GSR: variants seen among roughly 807,000 people sequenced by gnomAD.
GSR encodes glutathione reductase, mitochondrial.
Under a neutral mutation model 56.5 loss-of-function variants are expected in GSR, and 48 were observed. The ratio of observed to expected loss-of-function variants is 0.85; its 90% CI spans 0.67 to 1.08. GSR has a LOEUF of 1.08. Ranked by LOEUF, GSR falls within the 50% of genes least tolerant of loss-of-function variation. The pLI, the probability that GSR is intolerant of heterozygous loss-of-function variation, is 0.00. For synonymous variants in GSR, 264 were observed against 270.8 expected (o/e 0.97, Z 0.25); for missense variants, 694 against 703.3 (o/e 0.99, Z 0.15).
intron 8 of GSR, among the ~76,000 whole-genome samples, chr8:30,690,088 A>C (rs1803325701): frequency 7.0e-6 from 1 of 143,426 alleles, no homozygotes; most frequent in Non-Finnish European, 1.5e-5. Context: ...ATAAAATATA[A>C]ATATATAAAT....
chr8:30,702,961 G>A (rs945817988), intron 5 of GSR, 132 bp downstream of exon 5: 1 of 939,812 alleles, frequency 1.1e-6, no homozygotes, highest in East Asian at 2.4e-5. Flanking sequence ...GTTAGGTTCT[G>A]CAGAGACCTT....
intron 8 of GSR, among the ~76,000 whole-genome samples, chr8:30,689,761 T>TATAC (rs1554570583): frequency 9.5e-5 from 8 of 84,190 alleles, no homozygotes; most frequent in African/African-American, 3.0e-4. Flanking sequence ...TATATATATA[T>TATAC]ACACACACAC....
intron 8 of GSR, among the ~76,000 whole-genome samples, chr8:30,690,866 A>T (rs1267283396): frequency 6.6e-6 from 1 of 152,130 alleles, no homozygotes; most frequent in Non-Finnish European, 1.5e-5. Flanking sequence ...TGAGTTTGAG[A>T]ACAGCCTGGG....
At chr8:30,692,196 C>CTTTTTTTTTTTT (rs71206279) in intron 8 of GSR, among the ~76,000 whole-genome samples, 3 of 76,412 alleles carry the variant, frequency 3.9e-5, no homozygotes, top group Admixed American at 2.2e-4. Flanking sequence ...TAAAATACAG[C>CTTTTTTTTTTTT]TTTTTTTTTT....
intron 1 of GSR, among the ~76,000 whole-genome samples, chr8:30,716,475 C>T (rs1477905820): frequency 6.6e-6 from 1 of 152,202 alleles, no homozygotes; most frequent in Non-Finnish European, 1.5e-5. Context: ...ATGCCAGCAA[C>T]ATGACATGAC....
At chr8:30,708,193 T>C in intron 3 of GSR, 52 bp from the exon 4 acceptor site, 1 of 1,300,998 alleles carries the variant, frequency 7.7e-7, no homozygotes, top group Non-Finnish European at 1.1e-6. Context: ...CCCTTCTAGT[T>C]AGTAACTAAG....
At chr8:30,719,521 G>C (rs1337014703) in intron 1 of GSR, among the ~76,000 whole-genome samples, 1 of 152,110 alleles carries the variant, frequency 6.6e-6, no homozygotes, top group Non-Finnish European at 1.5e-5. Context: ...AAAGTGCTGG[G>C]ATAACAGGCG....
Position 30,727,542 on chromosome 8 carries a change from C to T in GSR, c.294G>A (p.Leu98=). Residue 98 remains leucine, a synonymous_variant, in exon 1 of 13, where the codon CTG becomes CTA. Coordinates refer to ENST00000221130, the MANE Select transcript of GSR (RefSeq NM_000637.5). The part of the protein sequence containing the change: ...ARAAVVESHK[L]GGTCVNVGCV... ...CGGCGGTACTCACGCAAGTGCCACCCAGCTTGTGGCTCTCCACCACGGCGG... is the reference window on the plus strand; with the variant it reads ...CGGCGGTACTCACGCAAGTGCCACCTAGCTTGTGGCTCTCCACCACGGCGG... 1 of 1,537,224 alleles carries T rather than the reference C, an allele frequency of 6.5e-7. No homozygotes were observed.
At chr8:30,692,495 CT>C (rs71206280) in intron 8 of GSR, among the ~76,000 whole-genome samples, 17 of 59,074 alleles carry the variant, frequency 2.9e-4, no homozygotes, top group African/African-American at 9.4e-4. Flanking sequence ...CACACCCAGA[CT>C]TTTTTTTTTT....
intron 2 of GSR, among the ~76,000 whole-genome samples, chr8:30,711,637 G>A (rs1047048488): frequency 1.3e-5 from 2 of 152,080 alleles, no homozygotes; most frequent in Non-Finnish European, 2.9e-5. Context: ...TTCGAGACCA[G>A]CCTGGCCAAC....
chr8:30,698,906 A>AG (rs1177529039), intron 6 of GSR, among the ~76,000 whole-genome samples: 1 of 152,162 alleles, frequency 6.6e-6, no homozygotes, highest in Non-Finnish European at 1.5e-5. Flanking sequence ...AAGTGACAGG[A>AG]GCATCCCTCT....
rs55702917 is a variant in GSR at position 30,700,723 on chromosome 8, CAAAAAAAAAA to C, written c.641-598_641-589del. On this transcript the variant is annotated intron_variant, in intron 5 of 12. Transcript: ENST00000221130. ...TGGGAACAGAGCAAGATTTTGTCTC[CAAAAAAAAAA>C]AAAAAAAAAAAAAAAAATCGACGTG... is the stretch of plus-strand genomic sequence containing the variant. Among the ~76,000 whole-genome samples, 17 of 80,058 alleles carry C rather than the reference CAAAAAAAAAA, an allele frequency of 2.1e-4. 1 individual carries two copies. Among genetic ancestry groups the C allele is most frequent in the Middle Eastern group, 7.9e-3 (1 of 126 alleles). The allele number at this position is 80,058 out of a possible 152,430, so 52.5% of individuals were successfully genotyped here. A position where few individuals can be genotyped will look rare whatever the true frequency, so the allele number is the denominator to read the frequency against.
At chr8:30,680,635 T>C (rs572456803) in intron 12 of GSR, among the ~76,000 whole-genome samples, 58 of 152,218 alleles carry the variant, frequency 3.8e-4, no homozygotes, top group African/African-American at 1.4e-3. Context: ...CCTCAGGTGA[T>C]ATGCCTGCCT....
intron 4 of GSR, among the ~76,000 whole-genome samples, chr8:30,704,457 G>A (rs1803858403): frequency 1.3e-5 from 2 of 152,176 alleles, no homozygotes; most frequent in Non-Finnish European, 2.9e-5. Context: ...TTGTGCTTTC[G>A]TAAAATGGGA....
At chr8:30,707,676 C>T (rs1183787728) in intron 4 of GSR, among the ~76,000 whole-genome samples, 1 of 150,874 alleles carries the variant, frequency 6.6e-6, no homozygotes, top group Non-Finnish European at 1.5e-5. Context: ...AAAATAGGGC[C>T]GGGTGCAGTG....
chr8:30,695,664 G>A (rs755130127), intron 7 of GSR, among the ~76,000 whole-genome samples: 4 of 152,216 alleles, frequency 2.6e-5, no homozygotes, highest in African/African-American at 7.2e-5. Flanking sequence ...CTGCTTTAAT[G>A]CAAAGAATTT....
chr8:30,724,544 C>CTTTTTTTTTTTTTTT (rs56145808), intron 1 of GSR, among the ~76,000 whole-genome samples: 3 of 84,626 alleles, frequency 3.5e-5, no homozygotes, highest in Non-Finnish European at 6.1e-5. Flanking sequence ...AACCCCCCAC[C>CTTTTTTTTTTTTTTT]TTTTTTTTTT....
At chr8:30,713,013 G>A (rs990951469) in intron 1 of GSR, among the ~76,000 whole-genome samples, 5 of 151,662 alleles carry the variant, frequency 3.3e-5, no homozygotes, top group Non-Finnish European at 7.4e-5. Context: ...TGGAATAAAA[G>A]TAGAAAAAGC....
intron 4 of GSR, among the ~76,000 whole-genome samples, chr8:30,704,003 CT>C (rs1288266863): frequency 6.6e-6 from 1 of 152,060 alleles, no homozygotes; most frequent in African/African-American, 2.4e-5. Flanking sequence ...GCGAAAGTTC[CT>C]TATGTGCAAT....
Sources: gnomAD v4.1 joint callset for allele counts (sites outside exome capture counted in the v4.1 genomes callset) on GRCh38, gnomAD v4.1.1 for gene constraint, MANE v1.5 for transcripts, NCBI Gene and HGNC (gene_info 2026-07-23, HGNC 2026-07-21) for gene names.